The following PRKAG2 variants were observed in gnomAD, a reference collection of about 807,000 sequenced individuals.
PRKAG2 encodes protein kinase AMP-activated non-catalytic subunit gamma 2.
A neutral mutation model predicts 69.6 loss-of-function variants in PRKAG2; 26 were observed. That is an observed-to-expected ratio of 0.37 (90% CI 0.27 to 0.52). The LOEUF is 0.52. Ranked by LOEUF, PRKAG2 falls within the 20% of genes least tolerant of loss-of-function variation. The pLI is 0.90. For synonymous variants in PRKAG2, 293 were observed against 285.0 expected (o/e 1.03, Z -0.28); for missense variants, 557 against 740.0 (o/e 0.75, Z 2.87).
chr7:151,630,262 A>G (rs4726068), intron 5 of PRKAG2, among the ~76,000 whole-genome samples: 19,395 of 152,252 alleles, frequency 0.13, 1,420 homozygotes, highest in African/African-American at 0.17. Context: ...GCTTAGAGAA[A>G]TGCATAATTA....
chr7:151,768,475 T>C (rs1341341915), intron 3 of PRKAG2, among the ~76,000 whole-genome samples: 2 of 152,162 alleles, frequency 1.3e-5, no homozygotes, highest in Non-Finnish European at 2.9e-5. Context: ...TTCTTTCTTT[T>C]TTTTTCTGGA....
intron 4 of PRKAG2, among the ~76,000 whole-genome samples, chr7:151,652,964 A>G (rs185933616): frequency 4.7e-4 from 71 of 152,324 alleles, no homozygotes; most frequent in Non-Finnish European, 7.1e-4. Flanking sequence ...CCTGAGACCA[A>G]CTGATTTGAT....
At chr7:151,618,251 G>A (rs1032649967) in intron 5 of PRKAG2, among the ~76,000 whole-genome samples, 6 of 151,972 alleles carry the variant, frequency 3.9e-5, no homozygotes, top group African/African-American at 1.5e-4. Context: ...TCAGGAGTTC[G>A]AGATCAGCCT....
At chr7:151,624,137 C>CGTGTGTGTGTGTGT (rs58644630) in intron 5 of PRKAG2, among the ~76,000 whole-genome samples, 13 of 145,084 alleles carry the variant, frequency 9.0e-5, no homozygotes, top group African/African-American at 3.3e-4. Context: ...CAGAAGGCAG[C>CGTGTGTGTGTGTGT]GTGTGTGTGT....
At chr7:151,775,287 C>G (rs370924424) in intron 3 of PRKAG2, among the ~76,000 whole-genome samples, 49 of 151,792 alleles carry the variant, frequency 3.2e-4, no homozygotes, top group African/African-American at 1.1e-3. Flanking sequence ...CTGATTGATT[C>G]AGGGATCCTA....
At chr7:151,782,050 T>A (rs1194949178) in intron 2 of PRKAG2, among the ~76,000 whole-genome samples, 1 of 151,646 alleles carries the variant, frequency 6.6e-6, no homozygotes, top group Admixed American at 6.6e-5. Context: ...GGCGGGTGGA[T>A]CAACTGAGGT....
chr7:151,871,674 G>A (rs1290719561), intron 1 of PRKAG2, among the ~76,000 whole-genome samples: 1 of 152,196 alleles, frequency 6.6e-6, no homozygotes, highest in African/African-American at 2.4e-5. Flanking sequence ...ACTACCCACT[G>A]GCCCTAGGCT....
At chr7:151,603,978 C>G (rs56683738) in intron 5 of PRKAG2, among the ~76,000 whole-genome samples, 1 of 152,014 alleles carries the variant, frequency 6.6e-6, no homozygotes, top group East Asian at 1.9e-4. Flanking sequence ...AGGTTAGGAG[C>G]GGTCAGAGGC....
chr7:151,776,246 C>T (rs755341252), intron 3 of PRKAG2, among the ~76,000 whole-genome samples: 1 of 152,204 alleles, frequency 6.6e-6, no homozygotes, highest in Non-Finnish European at 1.5e-5. Flanking sequence ...AAGCCATGCC[C>T]CCACCCCAAC....
intron 3 of PRKAG2, among the ~76,000 whole-genome samples, chr7:151,778,538 T>C (rs957201382): frequency 1.3e-5 from 2 of 152,228 alleles, no homozygotes; most frequent in Non-Finnish European, 2.9e-5. Flanking sequence ...CAGCCATCTG[T>C]AGGTTCTCCC....
chr7:151,720,587 T>G (rs553859109), intron 3 of PRKAG2, among the ~76,000 whole-genome samples: 27 of 141,156 alleles, frequency 1.9e-4, no homozygotes, highest in African/African-American at 6.9e-4. Context: ...AGAAAATGCA[T>G]GCAGGGCTCC....
At chr7:151,834,767 T>C (rs2079110800) in intron 1 of PRKAG2, among the ~76,000 whole-genome samples, 1 of 152,198 alleles carries the variant, frequency 6.6e-6, no homozygotes, top group South Asian at 2.1e-4. Context: ...TCCCCATCGC[T>C]GTGGGTGAGT....
At chr7:151,842,619 T>C (rs534192871) in intron 1 of PRKAG2, among the ~76,000 whole-genome samples, 1 of 111,156 alleles carries the variant, frequency 9.0e-6, no homozygotes, top group African/African-American at 3.9e-5. Context: ...TGGTAGGTAG[T>C]GATGATGGTA....
intron 1 of PRKAG2, among the ~76,000 whole-genome samples, chr7:151,875,613 G>GTGTGTGTGTA (rs2080374423): frequency 7.4e-6 from 1 of 135,050 alleles, no homozygotes; most frequent in Non-Finnish European, 1.6e-5. Context: ...GTGTGTGTGT[G>GTGTGTGTGTA]TACACAAACA....
At chr7:151,772,803 C>T (rs2076080992) in intron 3 of PRKAG2, among the ~76,000 whole-genome samples, 1 of 151,522 alleles carries the variant, frequency 6.6e-6, no homozygotes, top group Non-Finnish European at 1.5e-5. Flanking sequence ...CTGGGCAATA[C>T]ACTGAGACCC....
intron 3 of PRKAG2, among the ~76,000 whole-genome samples, chr7:151,739,869 C>T (rs890937255): frequency 2.0e-5 from 3 of 152,210 alleles, no homozygotes; most frequent in East Asian, 1.9e-4. Context: ...GAAACCCTTA[C>T]GGCCCAATCC....
intron 3 of PRKAG2, among the ~76,000 whole-genome samples, chr7:151,679,469 T>C (rs2727542): frequency 0.86 from 130,722 of 152,152 alleles, 56,233 homozygotes; most frequent in Middle Eastern, 0.94. Flanking sequence ...CCAGCCCCTT[T>C]CCCCACTGGA....
chr7:151,853,897 C>A lies in PRKAG2; in HGVS notation c.114+22610G>T, dbSNP rs377607807. 2.8e-4 allele frequency among the ~76,000 whole-genome samples: 42 copies of A among 152,190 alleles called. 1 individual carries two copies. In the East Asian group the frequency reaches 7.3e-3, roughly 27 times the overall value. On this transcript the variant is annotated intron_variant, in intron 1 of 15. Coordinates refer to ENST00000287878, the MANE Select transcript of PRKAG2 (RefSeq NM_016203.4). ...TGGGCTCAAAATAAGACCTTCTGAC[C>A]CCAAACCGAGGCTCCTCCTATGAAA...
intron 11 of PRKAG2, chr7:151,566,723 A>G (rs1806342106): frequency 1.1e-5 from 4 of 361,292 alleles, no homozygotes; most frequent in South Asian, 8.8e-5. Flanking sequence ...GAAAAAAAAA[A>G]AGAAAGCCCT....
Sources: gnomAD v4.1 joint callset for allele counts (sites outside exome capture counted in the v4.1 genomes callset) on GRCh38, gnomAD v4.1.1 for gene constraint, MANE v1.5 for transcripts, NCBI Gene and HGNC (gene_info 2026-07-23, HGNC 2026-07-21) for gene names.